The following NRCAM variants were observed in gnomAD, a reference collection of about 807,000 sequenced individuals.
NRCAM encodes the protein neuronal cell adhesion molecule.
In NRCAM, 83 loss-of-function variants were observed where a neutral mutation model predicts 156.5. The observed-to-expected ratio is 0.53, with a 90% CI of 0.44 to 0.64. The LOEUF (loss-of-function observed/expected upper bound fraction) is 0.64, where lower values mean the gene tolerates loss of function less well. Ranked by LOEUF, NRCAM falls within the 30% of genes least tolerant of loss-of-function variation. The pLI is 0.00. For missense variants in NRCAM, 1,417 were observed against 1,597.3 expected, an observed-to-expected ratio of 0.89 and a Z score of 1.92; for synonymous variants, 538 against 563.9, an observed-to-expected ratio of 0.95 and a Z score of 0.65.
intron 1 of NRCAM, among the ~76,000 whole-genome samples, chr7:108,433,933 TTC>T (rs1828964834): frequency 1.3e-5 from 2 of 152,240 alleles, no homozygotes. Flanking sequence ...CGAATGAGCC[TTC>T]ACAAACACAC....
intron 10 of NRCAM, among the ~76,000 whole-genome samples, chr7:108,224,528 T>C (rs1440184678): frequency 6.6e-6 from 1 of 152,150 alleles, no homozygotes; most frequent in Non-Finnish European, 1.5e-5. Flanking sequence ...TTCTTTTTTA[T>C]GGAGGCCTTT....
rs2039773703 is a variant in NRCAM, at chr7:108,148,291, A to G, written c.*1619T>C. The stretch of plus-strand genomic sequence containing the variant: ...CTGCATTAATTAGCTTACCTCTTAT[A>G]CAGTACAACATAAACATTGCATGTT... On this transcript the variant is annotated 3_prime_UTR_variant, in exon 33 of 33. Coordinates refer to ENST00000379028, the MANE Select transcript of NRCAM (RefSeq NM_001037132.4). 1 of 152,656 alleles carries G rather than the reference A, an allele frequency of 6.6e-6. No homozygotes were observed. Among genetic ancestry groups the G allele is most frequent in the Admixed American group, 6.5e-5 (1 of 15,278 alleles). 9.5% of individuals were successfully genotyped at this position (152,656 alleles called of 1,614,324 possible). A position where few individuals can be genotyped will look rare whatever the true frequency, so the allele number is the denominator to read the frequency against.
intron 2 of NRCAM, among the ~76,000 whole-genome samples, chr7:108,372,306 T>C (rs1329364146): frequency 6.6e-6 from 1 of 151,856 alleles, no homozygotes; most frequent in African/African-American, 2.4e-5. Context: ...TTCATGAATG[T>C]GACACCAAAA....
At position 108,184,128 on chromosome 7, in the gene NRCAM, AT is replaced by A. The variant is rs36044904; in HGVS notation, c.2304+112del. 1,434 of 450,314 alleles carry A rather than the reference AT, an allele frequency of 3.2e-3. 4 individuals carry two copies. The highest frequency in any genetic ancestry group is 3.8e-3 in the Non-Finnish European group (1,002 of 263,164). 27.9% of individuals were successfully genotyped at this position (450,314 alleles called of 1,614,324 possible). On this transcript the variant is annotated intron_variant, in intron 22 of 32. Transcript: ENST00000379028. Reference sequence around the variant, plus strand: ...TATGTATCTTTATATATATATATATATTTTTTTTCCCCAGAAATAGGTGAAA... The same window carrying A: ...TATGTATCTTTATATATATATATATATTTTTTTCCCCAGAAATAGGTGAAA...
At chr7:108,238,426 A>C (rs762204340) in intron 4 of NRCAM, among the ~76,000 whole-genome samples, 5 of 152,190 alleles carry the variant, frequency 3.3e-5, no homozygotes, top group Non-Finnish European at 5.9e-5. Flanking sequence ...GGGGCAGGGA[A>C]GAAATTACAT....
chr7:108,241,716 CTT>C (rs2095540830), intron 3 of NRCAM, among the ~76,000 whole-genome samples: 1 of 152,018 alleles, frequency 6.6e-6, no homozygotes, highest in Non-Finnish European at 1.5e-5. Context: ...AAAGAAAAGA[CTT>C]TACAATCTTT....
At chr7:108,230,213 C>T (rs1389671272) in intron 8 of NRCAM, among the ~76,000 whole-genome samples, 1 of 151,696 alleles carries the variant, frequency 6.6e-6, no homozygotes, top group Non-Finnish European at 1.5e-5. Context: ...ATCCTTGATT[C>T]CTCTCTCTCA....
chr7:108,268,628 G>GGGT (rs1221907145), intron 3 of NRCAM, among the ~76,000 whole-genome samples: 1 of 133,988 alleles, frequency 7.5e-6, no homozygotes, highest in African/African-American at 2.6e-5. Flanking sequence ...GTGGGGGTGG[G>GGGT]GGGGGGTTGG....
chr7:108,448,897 A>C (rs1032002333), intron 1 of NRCAM, among the ~76,000 whole-genome samples: 1 of 152,330 alleles, frequency 6.6e-6, no homozygotes, highest in East Asian at 1.9e-4. Flanking sequence ...TCTGTGGACA[A>C]CACCACAACA....
chr7:108,316,429 T>TG (rs2098922384), intron 2 of NRCAM, among the ~76,000 whole-genome samples: 1 of 152,178 alleles, frequency 6.6e-6, no homozygotes, highest in African/African-American at 2.4e-5. Flanking sequence ...CAAAACAGAC[T>TG]GAGACATTCG....
At chr7:108,233,013 G>A (rs963911887) in intron 6 of NRCAM, among the ~76,000 whole-genome samples, 1 of 152,080 alleles carries the variant, frequency 6.6e-6, no homozygotes, top group Non-Finnish European at 1.5e-5. Flanking sequence ...GTTGGGAGGA[G>A]GTTAAGAGAC....
At chr7:108,221,390 C>T (rs1480928825) in intron 11 of NRCAM, among the ~76,000 whole-genome samples, 1 of 152,198 alleles carries the variant, frequency 6.6e-6, no homozygotes, top group Admixed American at 6.5e-5. Context: ...AGAAAAGATA[C>T]TTGCACACGC....
At chr7:108,373,659 T>G (rs1595554635) in intron 2 of NRCAM, among the ~76,000 whole-genome samples, 1 of 152,132 alleles carries the variant, frequency 6.6e-6, no homozygotes, top group East Asian at 1.9e-4. Context: ...GACCACTGAG[T>G]GTGCAACCAC....
chr7:108,348,899 T>A, intron 2 of NRCAM, among the ~76,000 whole-genome samples: 1 of 94,040 alleles, frequency 1.1e-5, no homozygotes, highest in African/African-American at 4.3e-5. Flanking sequence ...TGAGACTCCA[T>A]CTCAGGAAAA....
Position 108,207,591 on chromosome 7 carries a change from A to C in NRCAM, c.1144T>G (p.Cys382Gly), listed in dbSNP as rs1235880483. ...GGTTTGGGGTTGCCATTAGCTCTGC[A>C]GATCAAGGTCCCATCCTCTCCTGGG... is the stretch of plus-strand genomic sequence containing the variant. ...LSPGEDGTLI[C>G]RANGNPKPRI... The change falls in exon 13 of 33, where the codon TGC (cysteine) becomes GGC (glycine). Residue 382 changes from cysteine to glycine, a missense_variant. By Grantham distance (159) the Cys-to-Gly change is radical. Transcript: ENST00000379028. 6.2e-7 allele frequency: 1 copy of C among 1,613,998 alleles called. No individual in the cohort carries two copies.
chr7:108,155,850 C>G (rs894081425), intron 32 of NRCAM, among the ~76,000 whole-genome samples: 2 of 152,002 alleles, frequency 1.3e-5, no homozygotes, highest in Non-Finnish European at 2.9e-5. Flanking sequence ...TGACGGCAGA[C>G]AAATCATTGG....
intron 3 of NRCAM, among the ~76,000 whole-genome samples, chr7:108,281,456 CATG>C (rs2097855712): frequency 6.6e-6 from 1 of 152,154 alleles, no homozygotes; most frequent in Admixed American, 6.5e-5. Flanking sequence ...TACAGGAAGG[CATG>C]ACGTGCTATG....
intron 15 of NRCAM, among the ~76,000 whole-genome samples, chr7:108,194,881 C>T (rs1247759162): frequency 2.6e-5 from 4 of 152,194 alleles, no homozygotes; most frequent in Non-Finnish European, 1.5e-5. Context: ...CTAGCCTTGT[C>T]TCTTTCAGCT....
intron 3 of NRCAM, among the ~76,000 whole-genome samples, chr7:108,261,845 G>C (rs2096899974): frequency 6.6e-6 from 1 of 152,126 alleles, no homozygotes; most frequent in South Asian, 2.1e-4. Context: ...GCACAACCCA[G>C]CAGTGCAGGG....
Sources: allele counts gnomAD v4.1 joint callset (sites outside exome capture counted in the v4.1 genomes callset), GRCh38; gene constraint gnomAD v4.1.1; transcripts MANE v1.5; gene names NCBI Gene and HGNC (gene_info 2026-07-23, HGNC 2026-07-21).